The following ADGRL3 variants were observed in gnomAD, a reference collection of about 807,000 sequenced individuals.
ADGRL3 encodes calcium-independent alpha-latrotoxin receptor 3.
Under a neutral mutation model 153.5 loss-of-function variants are expected in ADGRL3, and 62 were observed. That is an observed-to-expected ratio of 0.40 (90% confidence interval 0.33 to 0.50). The LOEUF is 0.50. ADGRL3 is among the 20% of genes least tolerant of loss of function. The pLI is 0.47. For synonymous variants in ADGRL3, 710 were observed against 672.5 expected (o/e 1.06, Z -0.86); for missense variants, 1,641 against 1,859.4 (o/e 0.88, Z 2.16).
At chr4:61,249,134 C>T (rs191173283) in intron 1 of ADGRL3, among the ~76,000 whole-genome samples, 5 of 152,082 alleles carry the variant, frequency 3.3e-5, no homozygotes, top group East Asian at 1.9e-4. Flanking sequence ...AAATGAAGTA[C>T]GGGTTTTTTT....
intron 2 of ADGRL3, among the ~76,000 whole-genome samples, chr4:61,486,948 A>G (rs1001358259): frequency 1.3e-5 from 2 of 152,198 alleles, no homozygotes; most frequent in African/African-American, 2.4e-5. Context: ...GACATATATA[A>G]TGCCAGATAA....
intron 9 of ADGRL3, among the ~76,000 whole-genome samples, chr4:61,871,053 C>T (rs28846691): frequency 2.5e-3 from 378 of 152,106 alleles, no homozygotes; most frequent in Non-Finnish European, 4.1e-3. Flanking sequence ...CCAAGGCGGG[C>T]GAATCACGAG....
intron 21 of ADGRL3, among the ~76,000 whole-genome samples, chr4:62,006,022 A>T: frequency 9.8e-6 from 1 of 102,424 alleles, no homozygotes. Context: ...ATATATATAT[A>T]TATATATATA....
At chr4:61,758,763 T>A (rs1486509905) in intron 8 of ADGRL3, among the ~76,000 whole-genome samples, 1 of 152,210 alleles carries the variant, frequency 6.6e-6, no homozygotes. Context: ...TGATGCAGTT[T>A]CTTCCTAGTC....
Position 62,070,264 on chromosome 4 carries a change from G to C in ADGRL3, c.3988G>C (p.Glu1330Gln), listed in dbSNP as rs755638187. ...RGYNHNETAL[E>Q]KKILKELTSN... is the part of the protein sequence containing the mutation. ...CTATAACCATAACGAGACCGCCCTA[G>C]AGAAAAAGATTCTGAAGGAACTCAC... The change falls in exon 27 of 27, where the codon GAG becomes CAG. Residue 1330 changes from glutamate (E) to glutamine (Q), a missense_variant. Around this residue, in one of 5 missense-constraint regions of ADGRL3, gnomAD observed 517 missense variants for 555.0 expected, o/e 0.93. Transcript: ENST00000683033. 5.6e-6 allele frequency: 9 copies of C among 1,604,488 alleles called. No homozygotes were observed. The highest frequency in any genetic ancestry group is 7.7e-6 in the Non-Finnish European group (9 of 1,174,556).
chr4:61,462,477 G>A (rs1302461923), intron 2 of ADGRL3, among the ~76,000 whole-genome samples: 1 of 152,090 alleles, frequency 6.6e-6, no homozygotes, highest in African/African-American at 2.4e-5. Context: ...CTCCAGAATA[G>A]GAGAGACTGG....
intron 2 of ADGRL3, among the ~76,000 whole-genome samples, chr4:61,479,203 A>G (rs1449954997): frequency 2.0e-5 from 3 of 152,044 alleles, no homozygotes; most frequent in Non-Finnish European, 4.4e-5. Flanking sequence ...CAAGCTTCCA[A>G]CCAGAATCTA....
At chr4:61,733,714 C>T (rs1409633025) in intron 8 of ADGRL3, among the ~76,000 whole-genome samples, 160 bp downstream of exon 8, 2 of 152,272 alleles carry the variant, frequency 1.3e-5, no homozygotes, top group East Asian at 3.9e-4. Flanking sequence ...CTGCTGATCA[C>T]TTTCAGCTAT....
chr4:61,474,462 T>A (rs543134054), intron 2 of ADGRL3, among the ~76,000 whole-genome samples: 1 of 152,306 alleles, frequency 6.6e-6, no homozygotes, highest in African/African-American at 2.4e-5. Flanking sequence ...AGGTAATTTA[T>A]TTATTCACAG....
chr4:61,772,249 C>T (rs1580750055), intron 8 of ADGRL3, among the ~76,000 whole-genome samples: 1 of 152,298 alleles, frequency 6.6e-6, no homozygotes, highest in East Asian at 1.9e-4. Flanking sequence ...ATCTTACCTT[C>T]CCTCTCCACT....
chr4:61,229,685 C>A (rs1223705201), intron 1 of ADGRL3, among the ~76,000 whole-genome samples: 1 of 152,054 alleles, frequency 6.6e-6, no homozygotes, highest in Non-Finnish European at 1.5e-5. Flanking sequence ...TGGGAAGCCA[C>A]CAAAGCCCAG....
chr4:61,309,387 AC>A (rs1294700414), intron 1 of ADGRL3, among the ~76,000 whole-genome samples: 1 of 152,116 alleles, frequency 6.6e-6, no homozygotes, highest in African/African-American at 2.4e-5. Flanking sequence ...CAGCTTAGTA[AC>A]CCCTGGAGTA....
At chr4:61,389,259 T>C (rs1462774758) in intron 2 of ADGRL3, among the ~76,000 whole-genome samples, 1 of 152,172 alleles carries the variant, frequency 6.6e-6, no homozygotes, top group Non-Finnish European at 1.5e-5. Context: ...TAAGATTATT[T>C]AGAAGGCAGT....
chr4:61,699,591 T>C (rs151057017), intron 6 of ADGRL3, among the ~76,000 whole-genome samples: 1,557 of 152,188 alleles, frequency 0.01, 30 homozygotes, highest in African/African-American at 0.035. Flanking sequence ...AAAATCACTC[T>C]TGGTAGAATG....
chr4:61,965,771 A>G (rs965434989), intron 17 of ADGRL3, among the ~76,000 whole-genome samples: 3 of 152,128 alleles, frequency 2.0e-5, no homozygotes, highest in African/African-American at 7.2e-5. Context: ...AAAAAAAAGC[A>G]TTTGAACAGA....
intron 2 of ADGRL3, among the ~76,000 whole-genome samples, chr4:61,396,186 C>T (rs2096866289): frequency 6.6e-6 from 1 of 151,710 alleles, no homozygotes; most frequent in Non-Finnish European, 1.5e-5. Context: ...GTACAACATC[C>T]TTTTAGCTTT....
intron 4 of ADGRL3, among the ~76,000 whole-genome samples, chr4:61,553,004 G>A (rs1225784403): frequency 6.6e-6 from 1 of 152,118 alleles, no homozygotes; most frequent in Non-Finnish European, 1.5e-5. Flanking sequence ...TCTCCACCTA[G>A]TAGTCAGGAA....
intron 1 of ADGRL3, among the ~76,000 whole-genome samples, chr4:61,257,729 A>C (rs762548180): frequency 4.6e-5 from 7 of 152,234 alleles, no homozygotes; most frequent in Non-Finnish European, 7.3e-5. Flanking sequence ...TATGATAATT[A>C]ATGTTAATAT....
At chr4:61,370,829 A>T (rs999679667) in intron 1 of ADGRL3, among the ~76,000 whole-genome samples, 4 of 152,008 alleles carry the variant, frequency 2.6e-5, no homozygotes, top group Admixed American at 2.0e-4. Context: ...TGACAGTGGG[A>T]TGTTAAAGTC....
Sources: gnomAD v4.1 joint callset for allele counts (sites outside exome capture counted in the v4.1 genomes callset) on GRCh38, gnomAD v4.1.1 for gene constraint, gnomAD v4.1.1 regional missense constraint, MANE v1.5 for transcripts, NCBI Gene and HGNC (gene_info 2026-07-23, HGNC 2026-07-21) for gene names.